The following AGBL4 variants were observed in gnomAD, a reference collection of about 807,000 sequenced individuals.
AGBL4 encodes AGBL carboxypeptidase 4, also known as cytosolic carboxypeptidase 6.
Under a neutral mutation model 66.4 loss-of-function variants are expected in AGBL4, and 58 were observed. The observed-to-expected ratio is 0.87, with a 90% CI of 0.71 to 1.09. The LOEUF (loss-of-function observed/expected upper bound fraction) is 1.09. Among genes scored for constraint, AGBL4 ranks in the 50% least tolerant of loss-of-function variants. The probability of loss-of-function intolerance (pLI) is 0.00; values close to 1 mark genes in which losing one functional copy is unlikely to be tolerated. For missense variants in AGBL4, 579 were observed against 631.0 expected (o/e 0.92, Z 0.88); for synonymous variants, 234 against 222.9 (o/e 1.05, Z -0.44).
At chr1:49,685,965 C>A (rs1172784502) in intron 3 of AGBL4, among the ~76,000 whole-genome samples, 1 of 152,074 alleles carries the variant, frequency 6.6e-6, no homozygotes, top group Non-Finnish European at 1.5e-5. Flanking sequence ...TTAATAAAAT[C>A]TTTACCATGG....
At chr1:49,329,026 G>A (rs895267239) in intron 3 of AGBL4, among the ~76,000 whole-genome samples, 11 of 152,174 alleles carry the variant, frequency 7.2e-5, no homozygotes, top group African/African-American at 4.8e-5. Context: ...TCTCTAAGTG[G>A]CCAGGCTCAG....
intron 5 of AGBL4, among the ~76,000 whole-genome samples, chr1:48,957,087 C>T (rs1476707745): frequency 3.9e-5 from 6 of 152,074 alleles, no homozygotes; most frequent in African/African-American, 1.4e-4. Context: ...TTTAACCCAA[C>T]CCTTCTTTTA....
intron 6 of AGBL4, among the ~76,000 whole-genome samples, chr1:48,772,154 T>C (rs1644867900): frequency 6.6e-6 from 1 of 151,876 alleles, no homozygotes; most frequent in Non-Finnish European, 1.5e-5. Flanking sequence ...CCTAGAGGAG[T>C]TCCCTGTCAG....
At chr1:49,894,625 A>C (rs1385045134) in intron 1 of AGBL4, among the ~76,000 whole-genome samples, 1 of 152,148 alleles carries the variant, frequency 6.6e-6, no homozygotes, top group Non-Finnish European at 1.5e-5. Context: ...TGACATACTG[A>C]AGGATGCGAA....
intron 4 of AGBL4, among the ~76,000 whole-genome samples, chr1:49,216,786 T>C (rs1322773923): frequency 6.6e-6 from 1 of 152,166 alleles, no homozygotes; most frequent in Non-Finnish European, 1.5e-5. Flanking sequence ...ATTTATATTT[T>C]ATTAATAACA....
intron 3 of AGBL4, among the ~76,000 whole-genome samples, chr1:49,602,864 T>TAAAA (rs1483336589): frequency 1.0e-4 from 14 of 139,692 alleles, no homozygotes; most frequent in Non-Finnish European, 1.7e-4. Flanking sequence ...AATAAATAAA[T>TAAAA]AAAAATCTAG....
intron 4 of AGBL4, among the ~76,000 whole-genome samples, chr1:49,060,646 G>T (rs1644386438): frequency 6.6e-6 from 1 of 152,100 alleles, no homozygotes; most frequent in South Asian, 2.1e-4. Flanking sequence ...GTTACAGATT[G>T]TCCACCTGCA....
At chr1:49,535,342 G>A (rs1651487358) in intron 3 of AGBL4, among the ~76,000 whole-genome samples, 1 of 146,826 alleles carries the variant, frequency 6.8e-6, no homozygotes, top group Non-Finnish European at 1.5e-5. Flanking sequence ...TATGTAATAT[G>A]ACATAATAAT....
intron 3 of AGBL4, among the ~76,000 whole-genome samples, chr1:49,484,738 C>A (rs544659087): frequency 1.8e-4 from 28 of 151,824 alleles, no homozygotes; most frequent in Non-Finnish European, 3.1e-4. Context: ...TTAAAGATAA[C>A]AAAAAGAGTA....
rs567889219 is a variant in AGBL4 at position 49,334,120 on chromosome 1, G to A, written c.283-88256C>T. Among the ~76,000 whole-genome samples, 4 of 152,238 alleles carry A rather than the reference G, an allele frequency of 2.6e-5. No individual in the cohort carries two copies. The South Asian group carries it at 6.2e-4, about 24-fold the overall frequency. On this transcript the variant is annotated intron_variant, in intron 3 of 13. Transcript: ENST00000371839. Reference sequence around the variant, plus strand: ...AGTCATGTGCAAGCTGTTAAAGTACGTTCATACACATTGTTTCCATTCCAT... The same window carrying A: ...AGTCATGTGCAAGCTGTTAAAGTACATTCATACACATTGTTTCCATTCCAT...
intron 4 of AGBL4, among the ~76,000 whole-genome samples, chr1:49,121,099 C>G (rs575709252): frequency 4.2e-4 from 64 of 152,100 alleles, no homozygotes; most frequent in Non-Finnish European, 7.5e-4. Context: ...TCTAATTAGC[C>G]ATTTGCCTAA....
At chr1:49,268,135 G>C (rs942979178) in intron 3 of AGBL4, 1 of 152,072 alleles carries the variant, frequency 6.6e-6, no homozygotes, top group East Asian at 1.9e-4. Context: ...AAAACCAGCC[G>C]AGTGGATGGC....
At position 49,371,228 on chromosome 1, in the gene AGBL4, T is replaced by TATAGATAGATAG. The variant is rs71307608; in HGVS notation, c.283-125376_283-125365dup. On this transcript the variant is annotated intron_variant, in intron 3 of 13. Coordinates refer to ENST00000371839, the MANE Select transcript of AGBL4 (RefSeq NM_032785.4). ...TAGATAGAAGATAGATAGATAGATA[T>TATAGATAGATAG]ATAGATAGATAGATAGATAGATACA... Among the ~76,000 whole-genome samples the TATAGATAGATAG allele has an allele frequency of 1.5e-3, 226 of 147,080 alleles. 1 individual carries two copies. Among genetic ancestry groups the TATAGATAGATAG allele is most frequent in the Admixed American group, 2.5e-3 (37 of 14,566 alleles).
chr1:49,087,995 A>C (rs1303642512), intron 4 of AGBL4, among the ~76,000 whole-genome samples: 1 of 152,326 alleles, frequency 6.6e-6, no homozygotes, highest in African/African-American at 2.4e-5. Flanking sequence ...ACTCAGCTTC[A>C]TAATGGAAAA....
chr1:48,809,758 G>A (rs1646008053), intron 6 of AGBL4, among the ~76,000 whole-genome samples: 1 of 152,150 alleles, frequency 6.6e-6, no homozygotes, highest in Non-Finnish European at 1.5e-5. Context: ...GGGGTCTGAG[G>A]TAATTTCCAA....
At chr1:49,117,304 T>C (rs1645546641) in intron 4 of AGBL4, among the ~76,000 whole-genome samples, 1 of 152,218 alleles carries the variant, frequency 6.6e-6, no homozygotes, top group African/African-American at 2.4e-5. Context: ...CATGCCTATG[T>C]CCTGAATGGT....
intron 9 of AGBL4, among the ~76,000 whole-genome samples, chr1:48,603,978 A>C (rs1356356248): frequency 1.3e-5 from 2 of 151,720 alleles, no homozygotes; most frequent in African/African-American, 4.8e-5. Flanking sequence ...AACAACAAAA[A>C]CCAAAAATTA....
At chr1:48,868,942 C>G (rs1648381544) in intron 5 of AGBL4, among the ~76,000 whole-genome samples, 1 of 152,190 alleles carries the variant, frequency 6.6e-6, no homozygotes, top group Non-Finnish European at 1.5e-5. Flanking sequence ...TCTGTGTTGT[C>G]TTCTCTCCAG....
intron 3 of AGBL4, among the ~76,000 whole-genome samples, chr1:49,597,467 A>T (rs1644873312): frequency 6.6e-6 from 1 of 152,208 alleles, no homozygotes; most frequent in Non-Finnish European, 1.5e-5. Flanking sequence ...TTAGTTGAAA[A>T]TTTCCAGGAA....
Sources: gnomAD v4.1 joint callset for allele counts (sites outside exome capture counted in the v4.1 genomes callset) on GRCh38, gnomAD v4.1.1 for gene constraint, MANE v1.5 for transcripts, NCBI Gene and HGNC (gene_info 2026-07-23, HGNC 2026-07-21) for gene names.